The following EFCAB6 variants were observed in gnomAD, a reference collection of about 807,000 sequenced individuals.
EFCAB6 encodes EF-hand calcium binding domain 6.
A neutral mutation model predicts 169.8 loss-of-function variants in EFCAB6; 156 were observed. That is an observed-to-expected ratio of 0.92 (90% CI 0.81 to 1.05). The LOEUF (loss-of-function observed/expected upper bound fraction) is 1.05, where lower values mean the gene tolerates loss of function less well. EFCAB6 is among the 50% of genes least tolerant of loss of function. The pLI, the probability that EFCAB6 is intolerant of heterozygous loss-of-function variation, is 0.00. For synonymous variants in EFCAB6, 698 were observed against 676.4 expected (o/e 1.03, Z -0.50); for missense variants, 1,800 against 1,829.1 (o/e 0.98, Z 0.29).
At chr22:43,589,524 A>G (rs558610138) in intron 24 of EFCAB6, among the ~76,000 whole-genome samples, 1 of 152,296 alleles carries the variant, frequency 6.6e-6, no homozygotes, top group South Asian at 2.1e-4. Flanking sequence ...GCAGTGGCTC[A>G]CGCCTATAAT....
rs150067115 is a variant in EFCAB6, at chr22:43,635,844, C to T, written c.1984-628G>A. Among the ~76,000 whole-genome samples, 304 of 152,320 alleles carry T rather than the reference C, an allele frequency of 2.0e-3. 12 individuals are homozygous for T. The East Asian group carries it at 0.054, about 27-fold the overall frequency. On this transcript the variant is annotated intron_variant, in intron 17 of 31. Transcript: ENST00000262726. The stretch of plus-strand genomic sequence containing the variant: ...GGAGCACCCAAGAAAACACTCTTCC[C>T]TGCCTTGCAAATACTGAAGTGGAAT...
chr22:43,600,609 A>G (rs1464804998), intron 22 of EFCAB6, among the ~76,000 whole-genome samples: 1 of 152,062 alleles, frequency 6.6e-6, no homozygotes, highest in Non-Finnish European at 1.5e-5. Context: ...AGTTGTGACT[A>G]CAGAAAATTA....
intron 13 of EFCAB6, among the ~76,000 whole-genome samples, chr22:43,675,373 ATACTATATTATAC>A (rs2057695400): frequency 7.7e-6 from 1 of 129,646 alleles, no homozygotes; most frequent in African/African-American, 2.8e-5. Flanking sequence ...ATAATATAAT[ATACTATATTATAC>A]TATAATATAT....
At position 43,795,146 on chromosome 22, in the gene EFCAB6, G is replaced by A. The variant is rs868031919; in HGVS notation, c.-7-12821C>T. On this transcript the variant is annotated intron_variant, in intron 2 of 31. Coordinates refer to ENST00000262726, the MANE Select transcript of EFCAB6 (RefSeq NM_022785.4). This position sits in a 1 kb window ranked among gnomAD's most constrained non-coding sequence, Gnocchi z 4.2. ...AATCAAATGAAAAACAACAAACTGC[G>A]GAAAGTGAATATATTTTAATGGAGT... Among the ~76,000 whole-genome samples, 2 of 152,006 alleles carry A rather than the reference G, an allele frequency of 1.3e-5. No homozygotes were observed. Among genetic ancestry groups the A allele is most frequent in the Admixed American group, 6.6e-5 (1 of 15,260 alleles).
At chr22:43,700,460 C>T (rs113406308) in intron 10 of EFCAB6, among the ~76,000 whole-genome samples, 3 of 152,064 alleles carry the variant, frequency 2.0e-5, no homozygotes, top group Non-Finnish European at 4.4e-5. Flanking sequence ...AAACCCATAG[C>T]GTATATTTAA....
At chr22:43,699,641 G>A (rs1282956306) in intron 10 of EFCAB6, among the ~76,000 whole-genome samples, 2 of 152,092 alleles carry the variant, frequency 1.3e-5, no homozygotes, top group African/African-American at 4.8e-5. Context: ...ACCTCCCCAT[G>A]TTTCTCCTCG....
At chr22:43,586,489 T>C (rs1044010075) in intron 24 of EFCAB6, among the ~76,000 whole-genome samples, 2 of 151,786 alleles carry the variant, frequency 1.3e-5, no homozygotes, top group African/African-American at 4.8e-5. Context: ...GGTGCTAATA[T>C]TCTCCCCTTA....
At chr22:43,789,883 A>AC (rs61135895) in intron 2 of EFCAB6, among the ~76,000 whole-genome samples, 11 of 151,156 alleles carry the variant, frequency 7.3e-5, no homozygotes, top group African/African-American at 1.5e-4. Flanking sequence ...ACACACACAC[A>AC]AAAGTCTTCC....
chr22:43,772,903 C>T lies in EFCAB6; in HGVS notation c.340G>A (p.Val114Met), dbSNP rs766623834. 19 of 1,614,096 alleles carry T rather than the reference C, an allele frequency of 1.2e-5. No individual in the cohort carries two copies. The highest frequency in any genetic ancestry group is 5.0e-5 in the Admixed American group (3 of 60,006). ...MPLTREQFQD[V>M]LAQIPLSTSG... is the part of the protein sequence containing the mutation. The stretch of plus-strand genomic sequence containing the variant: ...ACAACATACAGCACCTGAGCCAACA[C>T]GTCCTGAAACTGTTCTCGTGTGAGC... Residue 114 changes from valine to methionine, a missense_variant, in exon 4 of 32, where the codon GTG becomes ATG. Physicochemically the swap from Val to Met is conservative, Grantham distance 21 (BLOSUM62 1). Coordinates refer to ENST00000262726, the MANE Select transcript of EFCAB6 (RefSeq NM_022785.4).
intron 9 of EFCAB6, among the ~76,000 whole-genome samples, chr22:43,714,358 G>C (rs1291234537): frequency 6.6e-6 from 1 of 152,052 alleles, no homozygotes; most frequent in Middle Eastern, 3.4e-3. Flanking sequence ...GGAAGGGAGA[G>C]AGAGGAGATG....
chr22:43,538,995 G>T (rs2047541645), intron 28 of EFCAB6, among the ~76,000 whole-genome samples: 1 of 152,112 alleles, frequency 6.6e-6, no homozygotes, highest in Non-Finnish European at 1.5e-5. Flanking sequence ...CACAATCCTT[G>T]GTTTGTGGCC....
chr22:43,635,286 C>A (rs2055303880), intron 17 of EFCAB6, 70 bp from the exon 18 acceptor site: 1 of 1,107,950 alleles, frequency 9.0e-7, no homozygotes, highest in African/African-American at 1.5e-5. Flanking sequence ...CAGAGCACCT[C>A]CTGCCCCTGT....
At chr22:43,652,903 T>TA (rs1409431201) in intron 17 of EFCAB6, among the ~76,000 whole-genome samples, 3 of 152,048 alleles carry the variant, frequency 2.0e-5, no homozygotes, top group African/African-American at 7.2e-5. Flanking sequence ...CAAAATATGT[T>TA]AAAAATAACC....
At chr22:43,723,285 A>G (rs540875512) in intron 8 of EFCAB6, among the ~76,000 whole-genome samples, 73 of 152,334 alleles carry the variant, frequency 4.8e-4, no homozygotes, top group Middle Eastern at 3.4e-3. Flanking sequence ...ACACATGGAT[A>G]TAAGCATGGG....
intron 17 of EFCAB6, among the ~76,000 whole-genome samples, chr22:43,658,259 T>C (rs141164908): frequency 9.2e-5 from 14 of 151,650 alleles, no homozygotes; most frequent in African/African-American, 3.4e-4. Context: ...TAAAATAAAA[T>C]AAAACAAAAG....
At chr22:43,784,511 ATG>A (rs370724337) in intron 2 of EFCAB6, among the ~76,000 whole-genome samples, 7,222 of 90,064 alleles carry the variant, frequency 0.08, 634 homozygotes, top group African/African-American at 0.16. Context: ...AAATATATAT[ATG>A]TGTGTGTGTG....
intron 19 of EFCAB6, 127 bp downstream of exon 19, chr22:43,631,978 G>T: frequency 7.3e-7 from 1 of 1,364,484 alleles, no homozygotes; most frequent in Admixed American, 2.3e-5. Context: ...GGTCTGCAGA[G>T]GGAAATGCTC....
chr22:43,601,805 A>C (rs552968581), intron 22 of EFCAB6, among the ~76,000 whole-genome samples: 1 of 152,288 alleles, frequency 6.6e-6, no homozygotes, highest in East Asian at 1.9e-4. Flanking sequence ...TTGGAGGACC[A>C]CCACCCTTCC....
At chr22:43,544,987 GAA>G (rs57838772) in intron 27 of EFCAB6, among the ~76,000 whole-genome samples, 3 of 150,594 alleles carry the variant, frequency 2.0e-5, no homozygotes, top group African/African-American at 7.3e-5. Context: ...AAATAAAAAA[GAA>G]AAAAAAAATT....
Sources: gnomAD v4.1 joint callset for allele counts (sites outside exome capture counted in the v4.1 genomes callset) on GRCh38, gnomAD v4.1.1 for gene constraint, Gnocchi (gnomAD v3.1) non-coding constraint, MANE v1.5 for transcripts, NCBI Gene and HGNC (gene_info 2026-07-23, HGNC 2026-07-21) for gene names.